Variants in PLCZ1 observed in about 807,000 individuals in gnomAD.
PLCZ1 encodes the protein phospholipase C zeta 1.
PLCZ1 carries 64 observed loss-of-function variants against 76.8 expected under a neutral mutation model. The ratio of observed to expected loss-of-function variants is 0.83; its 90% confidence interval spans 0.68 to 1.03. The LOEUF is 1.03. PLCZ1 is among the 50% of genes least tolerant of loss of function. PLCZ1 has a pLI of 0.00. For synonymous variants in PLCZ1, 248 were observed against 230.8 expected, an observed-to-expected ratio of 1.07 and a Z score of -0.68; for missense variants, 751 against 713.7, an observed-to-expected ratio of 1.05 and a Z score of -0.60.
At chr12:18,692,743 C>T (rs1015298086) in intron 12 of PLCZ1, 1 of 1,017,744 alleles carries the variant, frequency 9.8e-7, no homozygotes, top group Non-Finnish European at 1.5e-6. Flanking sequence ...ATGTTAAAAG[C>T]TCTCCCAGGC....
intron 6 of PLCZ1, among the ~76,000 whole-genome samples, chr12:18,709,067 T>A (rs1380024478): frequency 8.5e-5 from 13 of 152,276 alleles, no homozygotes; most frequent in Non-Finnish European, 1.9e-4. Flanking sequence ...GCTTTTGATG[T>A]AATATCAAAA....
rs10523511 is a variant in PLCZ1, at chr12:18,696,348, A to ATATATATATATATATATATATATATATC, written c.1175-83_1175-82insGATATATATATATATATATATATATATA. 4.2e-4 allele frequency: 89 copies of ATATATATATATATATATATATATATATC among 214,272 alleles called. 1 individual carries two copies. Among genetic ancestry groups the ATATATATATATATATATATATATATATC allele is most frequent in the East Asian group, 7.1e-4 (5 of 7,072 alleles). 13.3% of individuals were successfully genotyped at this position (214,272 alleles called of 1,614,324 possible). On this transcript the variant is annotated intron_variant, in intron 10 of 14. Coordinates refer to ENST00000266505, the MANE Select transcript of PLCZ1 (RefSeq NM_033123.4). Reference sequence around the variant, plus strand: ...TATATATATATATATATATATATATATATCATATAATTCTATAATAGTTTC... The same window carrying ATATATATATATATATATATATATATATC: ...TATATATATATATATATATATATATATATATATATATATATATATATATATATCTATCATATAATTCTATAATAGTTTC...
At chr12:18,658,425 G>A in the PLCZ1 span, among the ~76,000 whole-genome samples, 11 of 152,100 alleles carry the variant, frequency 7.2e-5, no homozygotes, top group South Asian at 2.1e-4. Flanking sequence ...ATAAAGAATC[G>A]TAAAAGCAGC....
intron 3 of PLCZ1, 39 bp from the exon 4 acceptor site, chr12:18,723,581 T>TA (rs377648042): frequency 7.0e-6 from 10 of 1,436,130 alleles, no homozygotes; most frequent in South Asian, 3.4e-5. Context: ...ATTGTGAGTA[T>TA]AAAAAATACA....
At chr12:18,690,797 C>A (rs769783482) in intron 12 of PLCZ1, among the ~76,000 whole-genome samples, 5 of 152,018 alleles carry the variant, frequency 3.3e-5, no homozygotes, top group Non-Finnish European at 7.4e-5. Flanking sequence ...CTACGCAATT[C>A]GTGGAGGTGA....
the PLCZ1 span, among the ~76,000 whole-genome samples, chr12:18,662,746 A>G: frequency 1.3e-5 from 2 of 152,112 alleles, no homozygotes; most frequent in South Asian, 4.1e-4. Flanking sequence ...GCAGAATCTC[A>G]TATGTTACTG....
intron 6 of PLCZ1, 127 bp from the exon 7 acceptor site, chr12:18,705,442 T>C (rs1462226764): frequency 1.1e-5 from 12 of 1,109,830 alleles, no homozygotes; most frequent in African/African-American, 3.2e-5. Context: ...AAATAACTAT[T>C]CTTTAAACTG....
the PLCZ1 span, among the ~76,000 whole-genome samples, chr12:18,664,245 C>G: frequency 6.6e-6 from 1 of 152,152 alleles, no homozygotes; most frequent in Non-Finnish European, 1.5e-5. Context: ...ATAGATTTAC[C>G]ACATAATCCT....
At position 18,686,915 on chromosome 12, in the gene PLCZ1, T is replaced by C. The variant is rs532031697; in HGVS notation, c.1591+1174A>G. Among the ~76,000 whole-genome samples, 10 of 152,196 alleles carry C rather than the reference T, an allele frequency of 6.6e-5. No individual in the cohort carries two copies. The South Asian group carries it at 1.9e-3, about 28-fold the overall frequency. On this transcript the variant is annotated intron_variant, in intron 13 of 14. Coordinates refer to ENST00000266505, the MANE Select transcript of PLCZ1 (RefSeq NM_033123.4). ...ATTCCCATAAAATCCAAGGAGGTAA[T>C]ACAAATTCTAGAATCACAGTATTAT... is the stretch of plus-strand genomic sequence containing the variant.
At chr12:18,699,573 T>G (rs2137236116) in intron 10 of PLCZ1, among the ~76,000 whole-genome samples, 1 of 152,120 alleles carries the variant, frequency 6.6e-6, no homozygotes, top group Middle Eastern at 3.4e-3. Context: ...TCGGACATTC[T>G]CAATCAAAAT....
intron 5 of PLCZ1, chr12:18,713,631 T>C (rs1957602892): frequency 1.3e-5 from 2 of 152,406 alleles, no homozygotes; most frequent in Non-Finnish European, 2.9e-5. Context: ...TTAATCCAAG[T>C]AAGCACTAGA....
chr12:18,688,983 G>A (rs1449529129), intron 12 of PLCZ1, among the ~76,000 whole-genome samples: 5 of 151,542 alleles, frequency 3.3e-5, no homozygotes, highest in African/African-American at 1.2e-4. Flanking sequence ...GGGAAGGAAG[G>A]AGGGAGAGAA....
chr12:18,684,689 T>G (rs1046704246), intron 13 of PLCZ1, among the ~76,000 whole-genome samples: 1 of 152,106 alleles, frequency 6.6e-6, no homozygotes, highest in African/African-American at 2.4e-5. Flanking sequence ...TAGGCAATTC[T>G]TTAGCAAATA....
the PLCZ1 span, among the ~76,000 whole-genome samples, chr12:18,649,665 T>C: frequency 2.0e-5 from 3 of 152,140 alleles, no homozygotes; most frequent in Non-Finnish European, 1.5e-5. Context: ...CTCCCACCAT[T>C]TCAATGAAAC....
At chr12:18,686,202 C>T in intron 13 of PLCZ1, among the ~76,000 whole-genome samples, 1 of 151,910 alleles carries the variant, frequency 6.6e-6, no homozygotes, top group Non-Finnish European at 1.5e-5. Context: ...GAAATTTTAT[C>T]CTGACTCTAC....
chr12:18,709,397 C>T (rs990678917), intron 6 of PLCZ1, among the ~76,000 whole-genome samples: 3 of 152,104 alleles, frequency 2.0e-5, no homozygotes, highest in Admixed American at 6.6e-5. Context: ...CTGCACAGGA[C>T]CATGCTGTAT....
the PLCZ1 span, among the ~76,000 whole-genome samples, chr12:18,655,694 T>C: frequency 6.6e-6 from 1 of 151,120 alleles, no homozygotes; most frequent in Non-Finnish European, 1.5e-5. Context: ...GTGATGAAAG[T>C]GGCACTTTAC....
chr12:18,709,329 T>C (rs1407532861), intron 6 of PLCZ1, among the ~76,000 whole-genome samples: 1 of 152,134 alleles, frequency 6.6e-6, no homozygotes, highest in Non-Finnish European at 1.5e-5. Flanking sequence ...TGACCATATA[T>C]GCTTAGGTTG....
chr12:18,656,987 G>T, the PLCZ1 span, among the ~76,000 whole-genome samples: 1 of 152,022 alleles, frequency 6.6e-6, no homozygotes, highest in Non-Finnish European at 1.5e-5. Context: ...TTTGTATAGG[G>T]TCCTAATATG....
Sources: gnomAD v4.1 joint callset for allele counts (sites outside exome capture counted in the v4.1 genomes callset) on GRCh38, gnomAD v4.1.1 for gene constraint, MANE v1.5 for transcripts, NCBI Gene and HGNC (gene_info 2026-07-23, HGNC 2026-07-21) for gene names.